Variants in KLK10 observed in about 807,000 individuals in gnomAD.
KLK10 encodes the protein kallikrein related peptidase 10.
Under a neutral mutation model 25.7 loss-of-function variants are expected in KLK10, and 27 were observed. That is an observed-to-expected ratio of 1.05 (90% CI 0.77 to 1.45). KLK10 has a LOEUF of 1.45. Among genes scored for constraint, KLK10 ranks in the 40% most tolerant of loss-of-function variants. The pLI is 0.00. For synonymous variants in KLK10, 173 were observed against 160.1 expected (o/e 1.08, Z -0.61); for missense variants, 386 against 370.0 (o/e 1.04, Z -0.35).
At position 51,016,004 on chromosome 19, in the gene KLK10, A is replaced by G. The variant is rs2091322595; in HGVS notation, c.422T>C (p.Leu141Pro). 6.4e-7 allele frequency: 1 copy of G among 1,567,724 alleles called. No homozygotes were observed. Among genetic ancestry groups the G allele is most frequent in the Non-Finnish European group, 8.6e-7 (1 of 1,156,162 alleles). Residue 141 changes from leucine to proline, a missense_variant, in exon 4 of 6, where the codon CTG becomes CCG. Physicochemically the swap from Leu to Pro is moderately conservative, Grantham distance 98 (BLOSUM62 -3). Coordinates refer to ENST00000358789, the MANE Select transcript of KLK10 (RefSeq NM_145888.3). ...CAGCACTACGGGCCTGGCCAGCTTCAGCAACATGAGATCGTGCTCATCCGT... is the reference window on the plus strand; with the variant it reads ...CAGCACTACGGGCCTGGCCAGCTTCGGCAACATGAGATCGTGCTCATCCGT... ...RRTDEHDLML[L>P]KLARPVVLGP...
intron 2 of KLK10, 59 bp downstream of exon 2, chr19:51,018,974 GGGAACACATT>G: frequency 8.6e-7 from 1 of 1,169,316 alleles, no homozygotes; most frequent in Non-Finnish European, 1.2e-6. Flanking sequence ...GCTTGGTGAC[GGGAACACATT>G]CTCCTCCCGC....
At chr19:51,015,623 G>A (rs1437251163) in intron 4 of KLK10, 73 bp from the exon 5 acceptor site, 2 of 1,524,922 alleles carry the variant, frequency 1.3e-6, no homozygotes, top group Middle Eastern at 1.7e-4. Flanking sequence ...CCAGATACAA[G>A]ACCGTTTCTA....
chr19:51,018,788 C>A (rs186378282), intron 2 of KLK10: 36 of 547,952 alleles, frequency 6.6e-5, no homozygotes, highest in Non-Finnish European at 1.3e-5. Flanking sequence ...GGAGAAAGAA[C>A]GCGGCGAAGA....
At position 51,019,264 on chromosome 19, in the gene KLK10, A is replaced by G; in HGVS notation, c.-9-125T>C. 2 of 621,894 alleles carry G rather than the reference A, an allele frequency of 3.2e-6. No individual in the cohort carries two copies. The highest frequency in any genetic ancestry group is 3.9e-5 in the South Asian group (2 of 51,232). The allele number at this position is 621,894 out of a possible 1,614,324, so 38.5% of individuals were successfully genotyped here. The stretch of plus-strand genomic sequence containing the variant: ...AGCACCCTTTTGACCTGCAGCCGAT[A>G]ACCCCAGGGGCTGGCAGACGGGAGA... On this transcript the variant is annotated intron_variant, in intron 1 of 5. Coordinates refer to ENST00000358789, the MANE Select transcript of KLK10 (RefSeq NM_145888.3). This position sits in a 1 kb window ranked among gnomAD's most constrained non-coding sequence, Gnocchi z 4.2.
chr19:51,019,196 C>G lies in KLK10; in HGVS notation c.-9-57G>C. 8.2e-7 allele frequency: 1 copy of G among 1,221,566 alleles called. No individual in the cohort carries two copies. 75.7% of individuals were successfully genotyped at this position (1,221,566 alleles called of 1,614,324 possible). A position where few individuals can be genotyped will look rare whatever the true frequency, so the allele number is the denominator to read the frequency against. On this transcript the variant is annotated intron_variant, in intron 1 of 5. Coordinates refer to ENST00000358789, the MANE Select transcript of KLK10 (RefSeq NM_145888.3). This position sits in a 1 kb window ranked among gnomAD's most constrained non-coding sequence, Gnocchi z 4.2. ...CAGATGCTCCGTTAGAGACCCCCAC[C>G]TCGCCGCGCTCATCCGCCCAGCCTG... is the stretch of plus-strand genomic sequence containing the variant.
rs766735602 is a variant in KLK10 at position 51,016,128 on chromosome 19, G to A, written c.298C>T (p.His100Tyr). The change falls in exon 4 of 6, where the codon CAC (histidine) becomes TAC (tyrosine). Residue 100 changes from histidine (H) to tyrosine (Y), a missense_variant. Physicochemically the swap from His to Tyr is moderately conservative, Grantham distance 83. Transcript: ENST00000358789. The part of the protein sequence containing the change: ...KPLWARVGDD[H>Y]LLLLQGEQLR... ...TGCTCTCCCTGAAGAAGCAGCAGGT[G>A]GTCATCCCCTACTCGAGCCCACAGT... 3.1e-6 allele frequency: 5 copies of A among 1,588,076 alleles called. No homozygotes were observed. Among genetic ancestry groups the A allele is most frequent in the East Asian group, 4.6e-5 (2 of 43,474 alleles).
chr19:51,018,750 G>A, intron 2 of KLK10: 3 of 493,598 alleles, frequency 6.1e-6, no homozygotes, highest in East Asian at 3.7e-5. Flanking sequence ...AAAATGGAGC[G>A]GGGCCGGGAT....
rs1346448513 is a variant in KLK10, at chr19:51,017,452, GGGA to G, written c.89-165_89-163del. The G allele has an allele frequency of 9.3e-6, 6 of 647,038 alleles. No homozygotes were observed. The East Asian group carries it at 1.1e-4, about 12-fold the overall frequency. 40.1% of individuals were successfully genotyped at this position (647,038 alleles called of 1,614,324 possible). On this transcript the variant is annotated intron_variant, in intron 2 of 5. Transcript: ENST00000358789. ...GGGTTTCGCGTGCACCGAAGGGAAT[GGGA>G]GGAGAAGAAGCGCGTGAAAGTGGAA...
At position 51,017,096 on chromosome 19, in the gene KLK10, G is replaced by T. The variant is rs759837049; in HGVS notation, c.269+14C>A. ...AGCCCCCCGTGGCGTCCTCGGGGAT[G>T]GATCTCCTCCTACTTGTTTCCGCAG... is the stretch of plus-strand genomic sequence containing the variant. On this transcript the variant is annotated intron_variant, in intron 3 of 5. Transcript: ENST00000358789. 2.5e-6 allele frequency: 4 copies of T among 1,572,500 alleles called. No homozygotes were observed. Among genetic ancestry groups the T allele is most frequent in the Non-Finnish European group, 3.5e-6 (4 of 1,157,454 alleles).
At position 51,014,474 on chromosome 19, in the gene KLK10, C is replaced by T. The variant is rs908051995; in HGVS notation, c.*326G>A. 2.6e-5 allele frequency: 6 copies of T among 233,990 alleles called. No individual in the cohort carries two copies. The highest frequency in any genetic ancestry group is 2.1e-4 in the East Asian group (2 of 9,670). 14.5% of individuals were successfully genotyped at this position (233,990 alleles called of 1,614,324 possible). ...ACTTGGCTTGCCCAAAGTCACACAGCAGGGAGTGGCAGAGGAAGTCAGGTT... is the reference window on the plus strand; with the variant it reads ...ACTTGGCTTGCCCAAAGTCACACAGTAGGGAGTGGCAGAGGAAGTCAGGTT... On this transcript the variant is annotated 3_prime_UTR_variant, in exon 6 of 6. Transcript: ENST00000358789.
At position 51,017,142 on chromosome 19, in the gene KLK10, A is replaced by C. The variant is rs2091339150; in HGVS notation, c.237T>G (p.Ser79Arg). 1 of 1,610,788 alleles carries C rather than the reference A, an allele frequency of 6.2e-7. No individual in the cohort carries two copies. The highest frequency in any genetic ancestry group is 1.3e-5 in the African/African-American group (1 of 74,748). Residue 79 changes from serine (S) to arginine (R), a missense_variant, in exon 3 of 6, where the codon AGT becomes AGG. Physicochemically the swap from Ser to Arg is moderately radical, Grantham distance 110. Coordinates refer to ENST00000358789, the MANE Select transcript of KLK10 (RefSeq NM_145888.3). ...FHCAGVLVDQ[S>R]WVLTAAHCGN... ...CGCAGTGCGCGGCCGTCAGCACCCA[A>C]CTCTGGTCCACCAGGACACCCGCGC... is the stretch of plus-strand genomic sequence containing the variant.
At chr19:51,016,561 C>T (rs77401321) in intron 3 of KLK10, among the ~76,000 whole-genome samples, 1 of 135,250 alleles carries the variant, frequency 7.4e-6, no homozygotes, top group Non-Finnish European at 1.6e-5. Context: ...CCACACCCAG[C>T]CTTTTTTTTT....
At position 51,019,069 on chromosome 19, in the gene KLK10, A is replaced by G. The variant is rs1395519230; in HGVS notation, c.62T>C (p.Leu21Pro). The G allele has an allele frequency of 1.9e-6, 3 of 1,606,016 alleles. No homozygotes were observed. The highest frequency in any genetic ancestry group is 2.5e-6 in the Non-Finnish European group (3 of 1,179,284). ...ASGARALAKL[L>P]PLLMAQLWAA... ...CCAGAGTTGCGCCATCAGCAGCGGC[A>G]GCAGCTTCGCCAGAGCCCGGGCGCC... Residue 21 changes from leucine to proline, a missense_variant, in exon 2 of 6, where the codon CTG becomes CCG. Transcript: ENST00000358789. This position sits in a 1 kb window ranked among gnomAD's most constrained non-coding sequence, Gnocchi z 4.2.
At chr19:51,018,235 AAAAAT>A (rs1310612501) in intron 2 of KLK10, among the ~76,000 whole-genome samples, 3 of 150,102 alleles carry the variant, frequency 2.0e-5, no homozygotes, top group Non-Finnish European at 4.4e-5. Flanking sequence ...AGAAAGAAGA[AAAAAT>A]AAGAGAGAAA....
Position 51,019,082 on chromosome 19 carries a change from G to C in KLK10, c.49C>G (p.Leu17Val). 2 of 1,608,312 alleles carry C rather than the reference G, an allele frequency of 1.2e-6. No homozygotes were observed. Among genetic ancestry groups the C allele is most frequent in the Admixed American group, 1.7e-5 (1 of 59,978 alleles). The change falls in exon 2 of 6, where the codon CTG (leucine) becomes GTG (valine). Residue 17 changes from leucine (L) to valine (V), a missense_variant. Physicochemically the swap from Leu to Val is conservative, Grantham distance 32. Transcript: ENST00000358789. This position sits in a 1 kb window ranked among gnomAD's most constrained non-coding sequence, Gnocchi z 4.2. ...ATCAGCAGCGGCAGCAGCTTCGCCA[G>C]AGCCCGGGCGCCAGAGGCGGCGGAG... ...HLSAASGARALAKLLPLLMAQ... is the reference protein window; with the variant it reads ...HLSAASGARAVAKLLPLLMAQ...
chr19:51,014,674 G>T lies in KLK10; in HGVS notation c.*126C>A. ...TTTAGAGGTGTGGAGGGCGGCAGAGGTTTGAACAGTGCAGACAAGGGGAGA... is the reference window on the plus strand; with the variant it reads ...TTTAGAGGTGTGGAGGGCGGCAGAGTTTTGAACAGTGCAGACAAGGGGAGA... On this transcript the variant is annotated 3_prime_UTR_variant, in exon 6 of 6. Coordinates refer to ENST00000358789, the MANE Select transcript of KLK10 (RefSeq NM_145888.3). 1.1e-6 allele frequency: 1 copy of T among 922,302 alleles called. No individual in the cohort carries two copies. 57.1% of individuals were successfully genotyped at this position (922,302 alleles called of 1,614,324 possible). A position where few individuals can be genotyped will look rare whatever the true frequency, so the allele number is the denominator to read the frequency against.
In KLK10 at chr19:51,015,865, A is replaced by AGAGCC. The variant is rs1310683138; in HGVS notation, c.544+12_544+16dup. 6.6e-7 allele frequency: 1 copy of AGAGCC among 1,508,152 alleles called. No individual in the cohort carries two copies. The highest frequency in any genetic ancestry group is 1.3e-5 in the South Asian group (1 of 78,964). 93.4% of individuals were successfully genotyped at this position (1,508,152 alleles called of 1,614,324 possible). On this transcript the variant is annotated intron_variant, in intron 4 of 5. Coordinates refer to ENST00000358789, the MANE Select transcript of KLK10 (RefSeq NM_145888.3). ...CCCCTCCTCCTGAGGTTCCGGCCTC[A>AGAGCC]GAGCCCCAGCTCTTGCCTCTCCGGG...
At chr19:51,015,632 T>TA (rs1347069723) in intron 4 of KLK10, 82 bp from the exon 5 acceptor site, 1 of 1,482,874 alleles carries the variant, frequency 6.7e-7, no homozygotes, top group Non-Finnish European at 9.4e-7. Flanking sequence ...AGACCGTTTC[T>TA]ATCCTAAGCC....
At chr19:51,015,599 G>C (rs2122420189) in intron 4 of KLK10, 49 bp from the exon 5 acceptor site, 1 of 1,592,882 alleles carries the variant, frequency 6.3e-7, no homozygotes, top group African/African-American at 1.3e-5. Flanking sequence ...CCCAATCCTT[G>C]GGGAGCCAGG....
Sources: gnomAD v4.1 joint callset for allele counts (sites outside exome capture counted in the v4.1 genomes callset) on GRCh38, gnomAD v4.1.1 for gene constraint, Gnocchi (gnomAD v3.1) non-coding constraint, MANE v1.5 for transcripts, NCBI Gene and HGNC (gene_info 2026-07-23, HGNC 2026-07-21) for gene names.